Variants in SOX5 observed in about 807,000 individuals in gnomAD.
The protein encoded by SOX5 is SRY-box transcription factor 5, also known as transcription factor SOX-5.
SOX5 carries 9 observed loss-of-function variants against 92.0 expected under a neutral mutation model. That is an observed-to-expected ratio of 0.10 (90% CI 0.06 to 0.17). The LOEUF is 0.17. SOX5 is among the 10% of genes least tolerant of loss of function. The pLI, the probability that SOX5 is intolerant of heterozygous loss-of-function variation, is 1.00. For missense variants in SOX5, 642 were observed against 944.5 expected, an observed-to-expected ratio of 0.68 and a Z score of 4.20; for synonymous variants, 344 against 336.3, an observed-to-expected ratio of 1.02 and a Z score of -0.25.
At chr12:24,154,628 T>G in intron 4 of SOX5, among the ~76,000 whole-genome samples, 1 of 152,076 alleles carries the variant, frequency 6.6e-6, no homozygotes, top group East Asian at 1.9e-4. Context: ...GAAGAGTTTC[T>G]AACAACAGAA....
chr12:24,469,637 G>C (rs535057094), intron 1 of SOX5, among the ~76,000 whole-genome samples: 14 of 152,242 alleles, frequency 9.2e-5, no homozygotes, highest in Admixed American at 1.3e-4. Context: ...AAAATCCCCA[G>C]ATATGTGCAA....
At chr12:24,178,430 T>C (rs966891941) in intron 4 of SOX5, among the ~76,000 whole-genome samples, 2 of 152,084 alleles carry the variant, frequency 1.3e-5, no homozygotes, top group African/African-American at 4.8e-5. Context: ...GTTTAGCAAA[T>C]GCTGTGTCCA....
chr12:24,327,572 T>G lies in SOX5; in HGVS notation c.-174+40991A>C, dbSNP rs1279692778. 5.9e-5 allele frequency among the ~76,000 whole-genome samples: 9 copies of G among 151,604 alleles called. No homozygotes were observed. In the East Asian group the frequency reaches 1.8e-3, roughly 30 times the overall value. On this transcript the variant is annotated intron_variant, in intron 2 of 4. Coordinates refer to the SOX5 transcript ENST00000446891. The stretch of plus-strand genomic sequence containing the variant: ...CTGGGATTACAGGCATGTGCCACCA[T>G]GCCCAGCTAATTTTTATTTTTATTT...
In SOX5 at chr12:24,546,691, T is replaced by C. The variant is rs1364991932; in HGVS notation, c.-251+15638A>G. ...AAGCAGAACATCCAAGGGCAAATAATAAGTGGGTGCTCTGTTGGCAGAAAA... is the reference window on the plus strand; with the variant it reads ...AAGCAGAACATCCAAGGGCAAATAACAAGTGGGTGCTCTGTTGGCAGAAAA... On this transcript the variant is annotated intron_variant, in intron 1 of 4. Transcript: ENST00000446891. Among the ~76,000 whole-genome samples, 3 of 152,170 alleles carry C rather than the reference T, an allele frequency of 2.0e-5. No homozygotes were observed. In the East Asian group the frequency reaches 5.8e-4, roughly 29 times the overall value.
rs1237361861 is a variant in SOX5 at position 24,068,753 on chromosome 12, C to T, written c.-2+144590G>A. ...ATATATATATATATATATATACACA[C>T]ACACACATTAGTTCCTAGTTTATAT... On this transcript the variant is annotated intron_variant, in intron 4 of 4. Transcript: ENST00000446891. 1.2e-4 allele frequency among the ~76,000 whole-genome samples: 15 copies of T among 128,880 alleles called. No individual in the cohort carries two copies. The South Asian group carries it at 2.2e-3, about 19-fold the overall frequency. 84.6% of individuals were successfully genotyped at this position (128,880 alleles called of 152,430 possible). A position where few individuals can be genotyped will look rare whatever the true frequency, so the allele number is the denominator to read the frequency against.
chr12:24,113,999 C>T (rs547769226), intron 4 of SOX5, among the ~76,000 whole-genome samples: 3 of 152,280 alleles, frequency 2.0e-5, no homozygotes, highest in African/African-American at 7.2e-5. Context: ...ATGAAATTGG[C>T]AGTCCTCCAA....
intron 1 of SOX5, among the ~76,000 whole-genome samples, chr12:24,477,321 ACGAGGTTTTG>A (rs1945504523): frequency 6.6e-6 from 1 of 152,040 alleles, no homozygotes; most frequent in South Asian, 2.1e-4. Flanking sequence ...TTTAATAGAG[ACGAGGTTTTG>A]CCATGTTGAA....
chr12:23,855,071 G>C (rs934952878), intron 2 of SOX5, among the ~76,000 whole-genome samples: 1 of 151,638 alleles, frequency 6.6e-6, no homozygotes, highest in Non-Finnish European at 1.5e-5. Context: ...AAAAAAAATA[G>C]ACCCTTTACC....
In SOX5 at chr12:23,863,190, C is replaced by T. The variant is rs533891122; in HGVS notation, c.271-16997G>A. Among the ~76,000 whole-genome samples the T allele has an allele frequency of 1.1e-4, 17 of 152,264 alleles. No individual in the cohort carries two copies. The Middle Eastern group carries it at 0.01, about 91-fold the overall frequency. Reference sequence around the variant, plus strand: ...ACTTTTTCCATGGCAATATTGTATACTACTTTGACTGTAACATGGGTTAGC... The same window carrying T: ...ACTTTTTCCATGGCAATATTGTATATTACTTTGACTGTAACATGGGTTAGC... On this transcript the variant is annotated intron_variant, in intron 2 of 14. Transcript: ENST00000451604.
chr12:24,277,316 GA>G (rs1482113284), intron 2 of SOX5: 2 of 151,264 alleles, frequency 1.3e-5, no homozygotes, highest in Non-Finnish European at 2.9e-5. Context: ...AGGAAAGCTG[GA>G]AAAATAAAAG....
intron 1 of SOX5, among the ~76,000 whole-genome samples, chr12:24,483,856 AAAC>A (rs1946249049): frequency 6.6e-6 from 1 of 152,214 alleles, no homozygotes; most frequent in Non-Finnish European, 1.5e-5. Context: ...TTCTCTCTCA[AAAC>A]AACACGTGAA....
At chr12:23,886,881 A>G (rs2097073632) in intron 2 of SOX5, among the ~76,000 whole-genome samples, 2 of 152,158 alleles carry the variant, frequency 1.3e-5, no homozygotes, top group African/African-American at 4.8e-5. Flanking sequence ...GCTCATGGAC[A>G]TTTGGATTTA....
intron 6 of SOX5, among the ~76,000 whole-genome samples, chr12:23,697,849 C>T (rs1184991754): frequency 6.6e-6 from 1 of 152,168 alleles, no homozygotes; most frequent in Non-Finnish European, 1.5e-5. Flanking sequence ...CTGTATCCAC[C>T]TGATAATTTA....
intron 4 of SOX5, among the ~76,000 whole-genome samples, chr12:24,202,244 C>T (rs996240521): frequency 1.3e-5 from 2 of 152,156 alleles, no homozygotes; most frequent in African/African-American, 2.4e-5. Flanking sequence ...TTCCTAGAGT[C>T]TATTGAAGTC....
intron 3 of SOX5, among the ~76,000 whole-genome samples, chr12:23,797,018 T>C (rs1027949764): frequency 6.6e-5 from 10 of 151,052 alleles, no homozygotes; most frequent in African/African-American, 1.9e-4. Flanking sequence ...TATTTTTATA[T>C]GTTGAAAATC....
chr12:24,358,656 A>G (rs751571082), intron 2 of SOX5, among the ~76,000 whole-genome samples: 10 of 152,148 alleles, frequency 6.6e-5, no homozygotes, highest in African/African-American at 4.8e-5. Context: ...AAGAATGGTA[A>G]TTTAGTTGTT....
intron 1 of SOX5, among the ~76,000 whole-genome samples, chr12:23,926,066 C>T (rs1184437937): frequency 6.6e-6 from 1 of 152,028 alleles, no homozygotes; most frequent in Admixed American, 6.5e-5. Context: ...TTTGATAGTT[C>T]CAGGACACTG....
intron 1 of SOX5, among the ~76,000 whole-genome samples, chr12:23,915,214 A>G (rs952123436): frequency 1.3e-5 from 2 of 152,152 alleles, no homozygotes; most frequent in African/African-American, 4.8e-5. Context: ...CAAACAGTAT[A>G]CATACTGAAT....
upstream of SOX5, chr12:23,949,766 GTCTCTCTCTCTCTCTC>G: frequency 1.9e-5 from 9 of 472,192 alleles, 1 homozygote; most frequent in South Asian, 1.6e-4. Context: ...CTCTCTCTCT[GTCTCTCTCTCTCTCTC>G]TCTCTCTCTC....
Sources: gnomAD v4.1 joint callset for allele counts (sites outside exome capture counted in the v4.1 genomes callset) on GRCh38, gnomAD v4.1.1 for gene constraint, MANE v1.5 for transcripts, NCBI Gene and HGNC (gene_info 2026-07-23, HGNC 2026-07-21) for gene names.